The following SMYD4 variants were observed in gnomAD, a reference collection of about 807,000 sequenced individuals.
SMYD4 encodes protein-lysine N-methyltransferase SMYD4.
In SMYD4, 68 loss-of-function variants were observed where a neutral mutation model predicts 72.8. The observed-to-expected ratio is 0.93, with a 90% CI of 0.77 to 1.14. SMYD4 has a LOEUF of 1.14. Among genes scored for constraint, SMYD4 ranks in the 50% most tolerant of loss-of-function variants. The probability of loss-of-function intolerance (pLI) is 0.00; values close to 1 mark genes in which losing one functional copy is unlikely to be tolerated. For synonymous variants in SMYD4, 407 were observed against 388.6 expected, an observed-to-expected ratio of 1.05 and a Z score of -0.56; for missense variants, 984 against 1,003.7, an observed-to-expected ratio of 0.98 and a Z score of 0.27.
intron 10 of SMYD4, 198 bp downstream of exon 10, chr17:1,782,837 G>A: frequency 1.5e-6 from 1 of 656,290 alleles, no homozygotes; most frequent in Non-Finnish European, 2.3e-6. Context: ...CGCGATCTTG[G>A]CTCACTGCAA....
At chr17:1,799,352 GA>G (rs1909581146) in intron 5 of SMYD4, among the ~76,000 whole-genome samples, 1 of 151,808 alleles carries the variant, frequency 6.6e-6, no homozygotes, top group African/African-American at 2.4e-5. Context: ...ATGAGAAACT[GA>G]GGCAGAACGG....
Position 1,784,010 on chromosome 17 carries a change from A to C in SMYD4, c.2020+316T>G, listed in dbSNP as rs1597364141. 12 of 351,322 alleles carry C rather than the reference A, an allele frequency of 3.4e-5. No individual in the cohort carries two copies. The East Asian group carries it at 5.8e-4, about 17-fold the overall frequency. 21.8% of individuals were successfully genotyped at this position (351,322 alleles called of 1,614,324 possible). A position where few individuals can be genotyped will look rare whatever the true frequency, so the allele number is the denominator to read the frequency against. ...TCACTAGGCCCTGGAATTAAAATAAATGACACTCAACTTCTGGAACTGCAC... is the reference window on the plus strand; with the variant it reads ...TCACTAGGCCCTGGAATTAAAATAACTGACACTCAACTTCTGGAACTGCAC... On this transcript the variant is annotated intron_variant, in intron 8 of 10. Coordinates refer to ENST00000305513, the MANE Select transcript of SMYD4 (RefSeq NM_052928.3).
chr17:1,782,978 C>T (rs1318714991), intron 10 of SMYD4, 57 bp downstream of exon 10: 2 of 1,562,628 alleles, frequency 1.3e-6, no homozygotes, highest in Non-Finnish European at 1.7e-6. Flanking sequence ...AAAGTAATAC[C>T]CAGAAGAGCC....
At position 1,781,023 on chromosome 17, in the gene SMYD4, G is replaced by C; in HGVS notation, c.*263C>G. ...CAACCTCCGCCTCCTGGGTTCAAGA[G>C]ATTCTCCTGCCTCAGCCTCCCAAGT... On this transcript the variant is annotated 3_prime_UTR_variant, in exon 11 of 11. Transcript: ENST00000305513. The C allele has an allele frequency of 3.4e-6, 1 of 294,592 alleles. No homozygotes were observed. Among genetic ancestry groups the C allele is most frequent in the Non-Finnish European group, 6.4e-6 (1 of 156,930 alleles). 18.2% of individuals were successfully genotyped at this position (294,592 alleles called of 1,614,324 possible).
intron 1 of SMYD4, chr17:1,829,472 C>G (rs1266748769): frequency 6.6e-6 from 1 of 152,286 alleles, no homozygotes. Flanking sequence ...GGGCCTGTAC[C>G]ACGTCTACCT....
At chr17:1,795,897 C>T (rs919751321) in intron 5 of SMYD4, among the ~76,000 whole-genome samples, 1 of 152,066 alleles carries the variant, frequency 6.6e-6, no homozygotes, top group Non-Finnish European at 1.5e-5. Context: ...AAGTAGCAAT[C>T]ACCTGTATTT....
chr17:1,797,819 T>C (rs932233777), intron 5 of SMYD4, among the ~76,000 whole-genome samples: 2 of 151,930 alleles, frequency 1.3e-5, no homozygotes, highest in African/African-American at 4.8e-5. Context: ...CTGGCCAACA[T>C]GGTAAAACCC....
intron 3 of SMYD4, among the ~76,000 whole-genome samples, chr17:1,808,871 A>G (rs1250205223): frequency 3.9e-5 from 6 of 152,192 alleles, no homozygotes; most frequent in Admixed American, 3.9e-4. Flanking sequence ...TAAAGCTTAC[A>G]TTATTTAGCT....
intron 4 of SMYD4, among the ~76,000 whole-genome samples, chr17:1,802,231 C>T (rs1909804095): frequency 6.6e-6 from 1 of 152,184 alleles, no homozygotes; most frequent in Non-Finnish European, 1.5e-5. Context: ...TGGCTCACGC[C>T]TGTAATCCCA....
chr17:1,805,838 TAA>T (rs1491436823), intron 3 of SMYD4, among the ~76,000 whole-genome samples: 2 of 123,994 alleles, frequency 1.6e-5, no homozygotes, highest in African/African-American at 7.6e-5. Flanking sequence ...AATAAAATAA[TAA>T]TATATATATA....
chr17:1,829,606 G>GC (rs17291710), intron 1 of SMYD4, 120 bp downstream of exon 1: 14 of 137,224 alleles, frequency 1.0e-4, no homozygotes, highest in African/African-American at 3.7e-4. Flanking sequence ...ACGGTGCCAA[G>GC]CTCAGGGCTT....
chr17:1,815,451 T>C (rs1391440989), intron 2 of SMYD4, among the ~76,000 whole-genome samples: 3 of 151,780 alleles, frequency 2.0e-5, no homozygotes, highest in Non-Finnish European at 4.4e-5. Flanking sequence ...TTTCCTGCCT[T>C]GGCCTCCCAA....
chr17:1,781,634 A>G, intron 10 of SMYD4, 195 bp from the exon 11 acceptor site: 1 of 484,048 alleles, frequency 2.1e-6, no homozygotes, highest in Non-Finnish European at 3.4e-6. Flanking sequence ...AAAAGATAGT[A>G]TAGACGCCAG....
chr17:1,786,261 G>T (rs1368021813), intron 7 of SMYD4, among the ~76,000 whole-genome samples: 1 of 152,222 alleles, frequency 6.6e-6, no homozygotes, highest in African/African-American at 2.4e-5. Flanking sequence ...ATCCTGCATC[G>T]TAAGAGGGAA....
chr17:1,827,731 T>C, intron 2 of SMYD4, 130 bp downstream of exon 2: 1 of 1,265,474 alleles, frequency 7.9e-7, no homozygotes, highest in Non-Finnish European at 1.1e-6. Context: ...AGCCCAGAAA[T>C]TTGAGACCAG....
At chr17:1,829,317 T>G (rs963796643) in intron 1 of SMYD4, 3 of 152,400 alleles carry the variant, frequency 2.0e-5, no homozygotes, top group African/African-American at 7.2e-5. Flanking sequence ...TGTTTTGGCA[T>G]AGGCTACTCA....
At chr17:1,807,011 C>T (rs1247421327) in intron 3 of SMYD4, among the ~76,000 whole-genome samples, 1 of 152,040 alleles carries the variant, frequency 6.6e-6, no homozygotes, top group East Asian at 1.9e-4. Flanking sequence ...CAGCCTCAGC[C>T]TCCCAAGTAG....
rs1908539977 is a variant in SMYD4, at chr17:1,784,430, G to C, written c.1916C>G (p.Ser639Cys). Reference protein sequence around the residue: ...GDDVLRCGSRSCAESAVSRDH... With the variant: ...GDDVLRCGSRCCAESAVSRDH... The stretch of plus-strand genomic sequence containing the variant: ...CCTGCTGACGGCGGATTCTGCACAA[G>C]ATCTGCTGCCACAGCGCAGCACGTC... Residue 639 changes from serine (S) to cysteine (C), a missense_variant, in exon 8 of 11, where the codon TCT becomes TGT. Coordinates refer to ENST00000305513, the MANE Select transcript of SMYD4 (RefSeq NM_052928.3). 6.2e-7 allele frequency: 1 copy of C among 1,614,162 alleles called. No homozygotes were observed. Among genetic ancestry groups the C allele is most frequent in the African/African-American group, 1.3e-5 (1 of 75,040 alleles).
intron 6 of SMYD4, 53 bp downstream of exon 6, chr17:1,787,369 C>A: frequency 6.5e-7 from 1 of 1,547,492 alleles, no homozygotes; most frequent in South Asian, 1.2e-5. Context: ...ACTTGCGTCC[C>A]CGTCCTTTTC....
Sources: gnomAD v4.1 joint callset for allele counts (sites outside exome capture counted in the v4.1 genomes callset) on GRCh38, gnomAD v4.1.1 for gene constraint, MANE v1.5 for transcripts, NCBI Gene and HGNC (gene_info 2026-07-23, HGNC 2026-07-21) for gene names.